LRP1B: variants seen among roughly 807,000 people sequenced by gnomAD.
The protein encoded by LRP1B is LDL receptor related protein 1B, also known as low-density lipoprotein receptor-related protein 1B.
A neutral mutation model predicts 556.6 loss-of-function variants in LRP1B; 217 were observed. The observed-to-expected ratio is 0.39, with a 90% confidence interval of 0.35 to 0.44. The LOEUF is 0.44. Ranked by LOEUF, LRP1B falls within the 20% of genes least tolerant of loss-of-function variation. The probability of loss-of-function intolerance (pLI) is 1.00; values close to 1 mark genes in which losing one functional copy is unlikely to be tolerated. For synonymous variants in LRP1B, 2,047 were observed against 1,865.8 expected (o/e 1.10, Z -2.50); for missense variants, 5,053 against 5,620.8 (o/e 0.90, Z 3.23).
chr2:141,152,272 A>G (rs1394595385), intron 7 of LRP1B, among the ~76,000 whole-genome samples: 1 of 152,046 alleles, frequency 6.6e-6, no homozygotes, highest in African/African-American at 2.4e-5. Context: ...TGTAGTGAGA[A>G]TGTTTGTAAA....
chr2:140,442,747 A>G (rs1376439479), intron 65 of LRP1B, 124 bp from the exon 66 acceptor site: 4 of 850,892 alleles, frequency 4.7e-6, no homozygotes, highest in East Asian at 2.7e-5. Flanking sequence ...AATTAATAGG[A>G]CTCTGAAGGT....
At position 142,097,663 on chromosome 2, in the gene LRP1B, T is replaced by C. The variant is rs141806254; in HGVS notation, c.82+32985A>G. Among the ~76,000 whole-genome samples, 533 of 151,780 alleles carry C rather than the reference T, an allele frequency of 3.5e-3. 2 individuals are homozygous for C. The highest frequency in any genetic ancestry group is 5.8e-3 in the Admixed American group (88 of 15,184). On this transcript the variant is annotated intron_variant, in intron 1 of 90. Coordinates refer to ENST00000389484, the MANE Select transcript of LRP1B (RefSeq NM_018557.3). ...TTTAATGTCAGCATACACAGAGCTA[T>C]CTACTGAAAAAATATGCTACCACAA...
chr2:141,482,156 T>G (rs1432964598), intron 2 of LRP1B, among the ~76,000 whole-genome samples: 1 of 151,976 alleles, frequency 6.6e-6, no homozygotes, highest in Non-Finnish European at 1.5e-5. Flanking sequence ...AACAAAAATA[T>G]CATACAAGCA....
intron 77 of LRP1B, among the ~76,000 whole-genome samples, chr2:140,340,924 C>T (rs1408543194): frequency 5.3e-5 from 8 of 151,480 alleles, no homozygotes; most frequent in Non-Finnish European, 1.0e-4. Context: ...TTTATATAAT[C>T]ATTTTGCAAC....
At chr2:140,912,723 C>A (rs924009411) in intron 21 of LRP1B, among the ~76,000 whole-genome samples, 1 of 151,472 alleles carries the variant, frequency 6.6e-6, no homozygotes, top group Non-Finnish European at 1.5e-5. Context: ...TAAGTAACAA[C>A]AATAACAGCA....
chr2:142,077,876 T>C (rs1705566354), intron 1 of LRP1B, among the ~76,000 whole-genome samples: 1 of 152,128 alleles, frequency 6.6e-6, no homozygotes, highest in Non-Finnish European at 1.5e-5. Flanking sequence ...GAAACTAAAA[T>C]ATGTTTGCCC....
At chr2:140,333,729 G>A (rs566005918) in intron 79 of LRP1B, among the ~76,000 whole-genome samples, 27 of 152,016 alleles carry the variant, frequency 1.8e-4, no homozygotes, top group Non-Finnish European at 3.4e-4. Flanking sequence ...AGCCCTTGAG[G>A]CTCCTGTAGT....
At chr2:141,734,962 T>A (rs1484786029) in intron 2 of LRP1B, among the ~76,000 whole-genome samples, 2 of 152,098 alleles carry the variant, frequency 1.3e-5, no homozygotes, top group African/African-American at 4.8e-5. Flanking sequence ...ATTGAATTAA[T>A]TTAAATTATA....
chr2:142,005,096 ATATT>A (rs1181058911), intron 1 of LRP1B, among the ~76,000 whole-genome samples: 4 of 148,338 alleles, frequency 2.7e-5, no homozygotes, highest in Admixed American at 6.8e-5. Flanking sequence ...TGTAAACTAT[ATATT>A]TATTAGTTAT....
chr2:141,053,505 A>G (rs1699095157), intron 10 of LRP1B, among the ~76,000 whole-genome samples: 1 of 151,796 alleles, frequency 6.6e-6, no homozygotes, highest in Admixed American at 6.6e-5. Flanking sequence ...TAAAGTTAAC[A>G]TTTTCATTTG....
chr2:140,442,457 G>C (rs896320241), intron 66 of LRP1B, 47 bp downstream of exon 66: 2 of 1,575,804 alleles, frequency 1.3e-6, no homozygotes, highest in Non-Finnish European at 1.7e-6. Context: ...TGTCGCAGAT[G>C]ATGACTCAAA....
rs188421009 is a variant in LRP1B, at chr2:140,602,762, A to T, written c.6800-1123T>A. The stretch of plus-strand genomic sequence containing the variant: ...CATATTTTTTTATTTCTTTTTTTAC[A>T]TACAACATGAAATATCCAATAATAA... On this transcript the variant is annotated intron_variant, in intron 41 of 90. Coordinates refer to ENST00000389484, the MANE Select transcript of LRP1B (RefSeq NM_018557.3). 3.3e-5 allele frequency among the ~76,000 whole-genome samples: 5 copies of T among 151,938 alleles called. No individual in the cohort carries two copies. In the East Asian group the frequency reaches 7.8e-4, roughly 24 times the overall value.
At chr2:141,874,644 A>G (rs142136194) in intron 1 of LRP1B, among the ~76,000 whole-genome samples, 1 of 152,118 alleles carries the variant, frequency 6.6e-6, no homozygotes, top group East Asian at 1.9e-4. Flanking sequence ...TTTGAGAAAA[A>G]GTAAAAAAGC....
intron 1 of LRP1B, among the ~76,000 whole-genome samples, chr2:141,865,041 A>G (rs988186290): frequency 6.6e-6 from 1 of 152,208 alleles, no homozygotes; most frequent in Admixed American, 6.5e-5. Context: ...GATTATTAGA[A>G]CAGTGCAGAA....
At chr2:141,974,243 A>C (rs1701821456) in intron 1 of LRP1B, among the ~76,000 whole-genome samples, 1 of 151,998 alleles carries the variant, frequency 6.6e-6, no homozygotes, top group Admixed American at 6.6e-5. Flanking sequence ...CAAATCATCC[A>C]CCATGTCTAG....
At chr2:141,720,844 TACTA>T (rs1692784372) in intron 2 of LRP1B, among the ~76,000 whole-genome samples, 1 of 152,182 alleles carries the variant, frequency 6.6e-6, no homozygotes, top group African/African-American at 2.4e-5. Context: ...ACTAGGAAAG[TACTA>T]AATCAACCAT....
At chr2:140,528,577 G>A (rs1574044192) in intron 47 of LRP1B, among the ~76,000 whole-genome samples, 1 of 151,784 alleles carries the variant, frequency 6.6e-6, no homozygotes, top group African/African-American at 2.4e-5. Context: ...TGTGTAAGAG[G>A]TGCAAGTAGG....
At chr2:141,717,185 C>A (rs1233351029) in intron 2 of LRP1B, among the ~76,000 whole-genome samples, 1 of 152,092 alleles carries the variant, frequency 6.6e-6, no homozygotes, top group South Asian at 2.1e-4. Flanking sequence ...TTTTAATAGT[C>A]CAGAAAGCAA....
chr2:141,953,572 T>C (rs1256722545), intron 1 of LRP1B, among the ~76,000 whole-genome samples: 2 of 152,076 alleles, frequency 1.3e-5, no homozygotes, highest in Non-Finnish European at 2.9e-5. Context: ...TTGTGAGCAC[T>C]CAGGAAATGC....
Sources: allele counts gnomAD v4.1 joint callset (sites outside exome capture counted in the v4.1 genomes callset), GRCh38; gene constraint gnomAD v4.1.1; transcripts MANE v1.5; gene names NCBI Gene and HGNC (gene_info 2026-07-23, HGNC 2026-07-21).